The following DCBLD1 variants were observed in gnomAD, a reference collection of about 807,000 sequenced individuals.
The protein encoded by DCBLD1 is discoidin, CUB and LCCL domain containing 1.
DCBLD1 carries 57 observed loss-of-function variants against 71.5 expected under a neutral mutation model. The observed-to-expected ratio is 0.80, with a 90% CI of 0.64 to 0.99. The LOEUF (loss-of-function observed/expected upper bound fraction) is 0.99, where lower values mean the gene tolerates loss of function less well. Among genes scored for constraint, DCBLD1 ranks in the 50% least tolerant of loss-of-function variants. DCBLD1 has a pLI of 0.00. For missense variants in DCBLD1, 891 were observed against 923.5 expected (o/e 0.96, Z 0.46); for synonymous variants, 380 against 363.8 (o/e 1.04, Z -0.51).
intron 5 of DCBLD1, among the ~76,000 whole-genome samples, chr6:117,530,978 A>C (rs1244546941): frequency 2.0e-5 from 3 of 151,886 alleles, no homozygotes; most frequent in African/African-American, 4.8e-5. Context: ...TTCTGTGGTG[A>C]AATCTTTCCT....
chr6:117,499,240 CAA>C (rs71012362), intron 1 of DCBLD1, among the ~76,000 whole-genome samples: 12 of 108,718 alleles, frequency 1.1e-4, no homozygotes, highest in Non-Finnish European at 1.4e-4. Context: ...CCATCTCTAC[CAA>C]AAAAAAAAAA....
intron 14 of DCBLD1, among the ~76,000 whole-genome samples, chr6:117,547,071 A>G (rs1232319450): frequency 6.6e-6 from 1 of 152,030 alleles, no homozygotes; most frequent in Non-Finnish European, 1.5e-5. Context: ...TGTGACTTCT[A>G]TGTGCATTTC....
intron 4 of DCBLD1, among the ~76,000 whole-genome samples, chr6:117,522,123 C>A (rs1778404976): frequency 6.6e-6 from 1 of 152,192 alleles, no homozygotes; most frequent in Non-Finnish European, 1.5e-5. Flanking sequence ...AATTTTCAAC[C>A]CAGCTTTAGC....
At chr6:117,520,913 A>G (rs9489216) in intron 3 of DCBLD1, among the ~76,000 whole-genome samples, 2,464 of 152,304 alleles carry the variant, frequency 0.016, 53 homozygotes, top group African/African-American at 0.056. Flanking sequence ...GTAAGTGTGG[A>G]ATATTTTGGA....
At chr6:117,492,496 A>G (rs1273110423) in intron 1 of DCBLD1, among the ~76,000 whole-genome samples, 4 of 152,208 alleles carry the variant, frequency 2.6e-5, no homozygotes. Flanking sequence ...GTTAGAAAAG[A>G]AGTCATAGGG....
chr6:117,524,221 C>G (rs139857387), intron 4 of DCBLD1, among the ~76,000 whole-genome samples: 1 of 145,872 alleles, frequency 6.9e-6, no homozygotes, highest in African/African-American at 2.6e-5. Context: ...TTTTTTGAGA[C>G]GGAGTTTTGC....
intron 2 of DCBLD1, among the ~76,000 whole-genome samples, chr6:117,517,345 T>A (rs977000618): frequency 6.6e-6 from 1 of 152,190 alleles, no homozygotes; most frequent in Non-Finnish European, 1.5e-5. Flanking sequence ...AGAGGTGAGT[T>A]CCCATGCTTG....
chr6:117,531,543 A>C (rs1778720072), intron 5 of DCBLD1, among the ~76,000 whole-genome samples: 1 of 152,184 alleles, frequency 6.6e-6, no homozygotes, highest in African/African-American at 2.4e-5. Context: ...GCCTGCTGAG[A>C]CCTCACACTG....
At chr6:117,560,405 A>C (rs1000658732) in intron 14 of DCBLD1, 1 of 187,290 alleles carries the variant, frequency 5.3e-6, no homozygotes, top group East Asian at 8.6e-5. Flanking sequence ...TCATAAATGC[A>C]ATAGATTTGA....
intron 4 of DCBLD1, among the ~76,000 whole-genome samples, chr6:117,524,641 T>C (rs1002120883): frequency 6.6e-6 from 1 of 152,118 alleles, no homozygotes; most frequent in Non-Finnish European, 1.5e-5. Flanking sequence ...TGAGTGCAAA[T>C]TGAGGGGTGT....
At chr6:117,511,885 G>A (rs1778035240) in intron 2 of DCBLD1, among the ~76,000 whole-genome samples, 1 of 152,178 alleles carries the variant, frequency 6.6e-6, no homozygotes, top group South Asian at 2.1e-4. Context: ...AGACACCCTA[G>A]AAGTGCGTCC....
intron 4 of DCBLD1, among the ~76,000 whole-genome samples, chr6:117,521,972 G>A (rs1583003693): frequency 6.6e-6 from 1 of 152,178 alleles, no homozygotes; most frequent in Admixed American, 6.5e-5. Flanking sequence ...TTCCACTATA[G>A]GGCCAATGAA....
In DCBLD1 at chr6:117,521,551, A is replaced by C. The variant is rs1272867292; in HGVS notation, c.487A>C (p.Ser163Arg). The C allele has an allele frequency of 1.3e-6, 2 of 1,570,214 alleles. No homozygotes were observed. The highest frequency in any genetic ancestry group is 1.7e-6 in the Non-Finnish European group (2 of 1,167,052). Reference sequence around the variant, plus strand: ...TTTAATAACATGTTTGGAACGAGCTAGCCATTATTTGAAGACAGAATACAG... The same window carrying C: ...TTTAATAACATGTTTGGAACGAGCTCGCCATTATTTGAAGACAGAATACAG... ...PDLITCLERA[S>R]HYLKTEYSKF... Residue 163 changes from serine to arginine, a missense_variant, in exon 4 of 15, where the codon AGC becomes CGC. Coordinates refer to ENST00000338728, the MANE Select transcript of DCBLD1 (RefSeq NM_001366458.2).
chr6:117,502,869 A>G (rs1439700417), intron 1 of DCBLD1, among the ~76,000 whole-genome samples: 2 of 152,182 alleles, frequency 1.3e-5, no homozygotes, highest in African/African-American at 2.4e-5. Flanking sequence ...AGTCACTTCA[A>G]TCAACTAGAG....
chr6:117,522,636 C>T (rs1778423990), intron 4 of DCBLD1, among the ~76,000 whole-genome samples: 1 of 152,024 alleles, frequency 6.6e-6, no homozygotes, highest in Non-Finnish European at 1.5e-5. Context: ...AAATGGGTGT[C>T]TTTCTATATT....
intron 2 of DCBLD1, among the ~76,000 whole-genome samples, chr6:117,512,605 C>G (rs1167510000): frequency 6.6e-6 from 1 of 152,180 alleles, no homozygotes; most frequent in Non-Finnish European, 1.5e-5. Flanking sequence ...GAGCACAGAT[C>G]TGGGCCACGA....
chr6:117,541,776 T>G (rs1447566672), intron 11 of DCBLD1, among the ~76,000 whole-genome samples: 3 of 152,220 alleles, frequency 2.0e-5, no homozygotes, highest in Non-Finnish European at 4.4e-5. Context: ...TTTCTAACTT[T>G]AAGACAAAAA....
intron 2 of DCBLD1, among the ~76,000 whole-genome samples, chr6:117,516,269 GAGA>G (rs951877909): frequency 1.3e-5 from 2 of 151,686 alleles, no homozygotes; most frequent in Non-Finnish European, 2.9e-5. Context: ...GCTGAGACAG[GAGA>G]ATGGTGTGAA....
Position 117,548,819 on chromosome 6 carries a change from G to A in DCBLD1, c.*380G>A, listed in dbSNP as rs565271871. The A allele has an allele frequency of 9.3e-7, 1 of 1,069,590 alleles. No homozygotes were observed. The highest frequency in any genetic ancestry group is 8.4e-5 in the East Asian group (1 of 11,956). The allele number at this position is 1,069,590 out of a possible 1,614,324, so 66.3% of individuals were successfully genotyped here. A position where few individuals can be genotyped will look rare whatever the true frequency, so the allele number is the denominator to read the frequency against. ...TATCAGATTTTAGTTCTGCACAGAG[G>A]TTAAGTGGGAAAATGCAGCTGTTGC... On this transcript the variant is annotated 3_prime_UTR_variant, in exon 15 of 15. Coordinates refer to ENST00000338728, the MANE Select transcript of DCBLD1 (RefSeq NM_001366458.2).
Sources: allele counts gnomAD v4.1 joint callset (sites outside exome capture counted in the v4.1 genomes callset), GRCh38; gene constraint gnomAD v4.1.1; transcripts MANE v1.5; gene names NCBI Gene and HGNC (gene_info 2026-07-23, HGNC 2026-07-21).